The following SLC25A24 variants were observed in gnomAD, a reference collection of about 807,000 sequenced individuals.
SLC25A24 encodes the protein mitochondrial adenyl nucleotide antiporter SLC25A24.
A neutral mutation model predicts 60.7 loss-of-function variants in SLC25A24; 49 were observed. The ratio of observed to expected loss-of-function variants is 0.81; its 90% CI spans 0.64 to 1.02. SLC25A24 has a LOEUF of 1.02. Ranked by LOEUF, SLC25A24 falls within the 50% of genes least tolerant of loss-of-function variation. The pLI is 0.00. For synonymous variants in SLC25A24, 202 were observed against 200.6 expected (o/e 1.01, Z -0.06); for missense variants, 564 against 586.3 (o/e 0.96, Z 0.39).
At chr1:108,197,227 C>T (rs676166) in intron 1 of SLC25A24, among the ~76,000 whole-genome samples, 34,971 of 152,010 alleles carry the variant, frequency 0.23, 4,363 homozygotes, top group African/African-American at 0.28. Flanking sequence ...TATTATATTC[C>T]TTATACCTAT....
chr1:108,176,070 T>A (rs1178347831), intron 3 of SLC25A24, among the ~76,000 whole-genome samples: 1 of 151,770 alleles, frequency 6.6e-6, no homozygotes, highest in Non-Finnish European at 1.5e-5. Flanking sequence ...TGAACTGACA[T>A]AGAATTCAAA....
At chr1:108,167,680 C>T (rs570089619) in intron 3 of SLC25A24, among the ~76,000 whole-genome samples, 15 of 152,338 alleles carry the variant, frequency 9.8e-5, no homozygotes, top group African/African-American at 2.9e-4. Context: ...CACTGACCTG[C>T]GCCCACTGTC....
intron 1 of SLC25A24, among the ~76,000 whole-genome samples, chr1:108,195,539 C>G (rs1317468007): frequency 6.6e-6 from 1 of 152,078 alleles, no homozygotes; most frequent in African/African-American, 2.4e-5. Context: ...ACAAAAGATA[C>G]AGATTTTATA....
Position 108,199,962 on chromosome 1 carries a change from G to T in SLC25A24, c.177C>A (p.Ala59=), listed in dbSNP as rs1233280337. Residue 59 remains alanine, a synonymous_variant, in exon 1 of 10, where the codon GCC becomes GCA. Transcript: ENST00000565488. ...RNLGIPLGQD[A]EEKIFTTGDV... ...CGCCCCGGCGGCGACCCACCTCCTC[G>T]GCGTCCTGGCCCAGAGGGATGCCCA... 1 of 1,604,780 alleles carries T rather than the reference G, an allele frequency of 6.2e-7. No individual in the cohort carries two copies. Among genetic ancestry groups the T allele is most frequent in the Admixed American group, 1.7e-5 (1 of 59,096 alleles).
At chr1:108,148,418 T>A in intron 6 of SLC25A24, 32 bp from the exon 7 acceptor site, 1 of 1,227,118 alleles carries the variant, frequency 8.1e-7, no homozygotes, top group Non-Finnish European at 1.2e-6. Flanking sequence ...TGCACATTAC[T>A]ACCTGCTGTG....
intron 5 of SLC25A24, among the ~76,000 whole-genome samples, chr1:108,156,963 T>C (rs2101613423): frequency 6.6e-6 from 1 of 152,328 alleles, no homozygotes; most frequent in Non-Finnish European, 1.5e-5. Flanking sequence ...CAAATACATA[T>C]TAATTCTTTT....
chr1:108,188,119 C>A (rs562670112), intron 1 of SLC25A24, among the ~76,000 whole-genome samples: 59 of 151,790 alleles, frequency 3.9e-4, no homozygotes, highest in African/African-American at 1.3e-3. Context: ...AGCGAATCAA[C>A]GCAGAAATAG....
intron 3 of SLC25A24, among the ~76,000 whole-genome samples, chr1:108,165,878 C>G (rs1237873590): frequency 6.6e-6 from 1 of 152,182 alleles, no homozygotes; most frequent in Non-Finnish European, 1.5e-5. Context: ...AATGCAGTTT[C>G]TTCCTAGTCT....
intron 3 of SLC25A24, among the ~76,000 whole-genome samples, chr1:108,165,964 C>T (rs886178051): frequency 6.6e-6 from 1 of 152,198 alleles, no homozygotes; most frequent in Admixed American, 6.5e-5. Flanking sequence ...GCACTTCCTT[C>T]AGGAACTCTT....
intron 6 of SLC25A24, among the ~76,000 whole-genome samples, chr1:108,151,298 C>T (rs1291918845): frequency 6.6e-6 from 1 of 152,142 alleles, no homozygotes; most frequent in Non-Finnish European, 1.5e-5. Context: ...TCTCCCTCTT[C>T]TAGTTTCCTT....
At chr1:108,154,636 T>C (rs971267347) in intron 6 of SLC25A24, among the ~76,000 whole-genome samples, 1 of 152,198 alleles carries the variant, frequency 6.6e-6, no homozygotes, top group African/African-American at 2.4e-5. Flanking sequence ...ACTTATAGTT[T>C]TCCTTCCAGA....
intron 3 of SLC25A24, among the ~76,000 whole-genome samples, chr1:108,180,617 TCTC>T (rs1414957965): frequency 9.0e-3 from 67 of 7,484 alleles, no homozygotes; most frequent in Non-Finnish European, 0.014. Context: ...AAGAGAAAGA[TCTC>T]TCTCTCTCTC....
At chr1:108,192,699 T>C in intron 1 of SLC25A24, 1 of 1,447,166 alleles carries the variant, frequency 6.9e-7, no homozygotes, top group Non-Finnish European at 9.2e-7. Flanking sequence ...ACGGGATCTC[T>C]GCCCACCACA....
chr1:108,153,015 T>C (rs1478401911), intron 6 of SLC25A24, among the ~76,000 whole-genome samples: 1 of 152,006 alleles, frequency 6.6e-6, no homozygotes, highest in Non-Finnish European at 1.5e-5. Flanking sequence ...CCATGCATGG[T>C]GGCCATATTG....
At chr1:108,157,285 G>A (rs999495010) in intron 5 of SLC25A24, among the ~76,000 whole-genome samples, 177 bp downstream of exon 5, 3 of 152,150 alleles carry the variant, frequency 2.0e-5, no homozygotes, top group African/African-American at 7.2e-5. Context: ...TTAAGGTTTG[G>A]TACACTGCCA....
chr1:108,142,995 C>T (rs1457301599), intron 8 of SLC25A24, among the ~76,000 whole-genome samples: 1 of 152,130 alleles, frequency 6.6e-6, no homozygotes, highest in Non-Finnish European at 1.5e-5. Flanking sequence ...CAGATAACCA[C>T]GCTGAGTTTT....
At chr1:108,186,071 G>A in intron 1 of SLC25A24, 117 bp from the exon 2 acceptor site, 1 of 675,678 alleles carries the variant, frequency 1.5e-6, no homozygotes, top group Non-Finnish European at 2.3e-6. Context: ...ACCTATTTTT[G>A]GCCAGATGTA....
chr1:108,169,747 C>CT (rs1288851660), intron 3 of SLC25A24, among the ~76,000 whole-genome samples: 2 of 152,146 alleles, frequency 1.3e-5, no homozygotes, highest in Non-Finnish European at 2.9e-5. Flanking sequence ...TCTTCAATTG[C>CT]TTAGGTACTA....
chr1:108,145,009 G>A (rs1679546902), intron 7 of SLC25A24, among the ~76,000 whole-genome samples: 1 of 152,176 alleles, frequency 6.6e-6, no homozygotes, highest in African/African-American at 2.4e-5. Flanking sequence ...TTGCCACACT[G>A]TCTTCCACAA....
Sources: gnomAD v4.1 joint callset for allele counts (sites outside exome capture counted in the v4.1 genomes callset) on GRCh38, gnomAD v4.1.1 for gene constraint, MANE v1.5 for transcripts, NCBI Gene and HGNC (gene_info 2026-07-23, HGNC 2026-07-21) for gene names.